Variants in RAB37 observed in about 807,000 individuals in gnomAD.
The protein encoded by RAB37 is RAB37, member RAS oncogene family.
A neutral mutation model predicts 33.1 loss-of-function variants in RAB37; 29 were observed. That is an observed-to-expected ratio of 0.88 (90% CI 0.65 to 1.20). The LOEUF is 1.20. Among genes scored for constraint, RAB37 ranks in the 50% most tolerant of loss-of-function variants. The pLI, the probability that RAB37 is intolerant of heterozygous loss-of-function variation, is 0.00. For missense variants in RAB37, 299 were observed against 301.1 expected (o/e 0.99, Z 0.05); for synonymous variants, 128 against 119.5 (o/e 1.07, Z -0.47).
intron 1 of RAB37, among the ~76,000 whole-genome samples, chr17:74,706,428 C>T (rs951197948): frequency 6.8e-6 from 1 of 147,662 alleles, no homozygotes; most frequent in Non-Finnish European, 1.5e-5. Context: ...ATAAAAAGAA[C>T]ATATATATAT....
chr17:74,736,848 C>G (rs910020456), upstream of RAB37: 4 of 1,526,384 alleles, frequency 2.6e-6, no homozygotes, highest in African/African-American at 5.5e-5. Context: ...TCCCCAGCTC[C>G]CCGCCTCGCC....
At chr17:74,695,082 G>A (rs770092761) in intron 1 of RAB37, 3 of 1,609,782 alleles carry the variant, frequency 1.9e-6, no homozygotes, top group East Asian at 2.2e-5. Flanking sequence ...CCAAGAAGGA[G>A]CCTGGAGTGC....
intron 1 of RAB37, among the ~76,000 whole-genome samples, chr17:74,714,688 T>C (rs2034139253): frequency 6.6e-6 from 1 of 152,058 alleles, no homozygotes; most frequent in Non-Finnish European, 1.5e-5. Context: ...CTTATAACTA[T>C]TTGTTGAAGG....
intron 1 of RAB37, among the ~76,000 whole-genome samples, chr17:74,721,481 G>A (rs1264129191): frequency 6.8e-6 from 1 of 147,538 alleles, no homozygotes; most frequent in African/African-American, 2.5e-5. Context: ...CACCCAGGCT[G>A]TAGTGTAATG....
chr17:74,695,003 G>T, intron 1 of RAB37: 2 of 1,379,144 alleles, frequency 1.5e-6, no homozygotes, highest in Non-Finnish European at 2.0e-6. Flanking sequence ...CCAGTCCCCG[G>T]GTTGGTCCTG....
In RAB37 at chr17:74,729,081, T is replaced by G. The variant is rs374863471; in HGVS notation, c.73-175T>G. On this transcript the variant is annotated intron_variant, in intron 1 of 7. Transcript: ENST00000340415. The surrounding 1 kb of genome is among the most constrained non-coding windows in gnomAD (Gnocchi z 4.2). ...GGTGTTCTGTGTATGTGTGTACATG[T>G]TTTTCTATGTCTGTATGTGTGTGTC... 3.9e-5 allele frequency among the ~76,000 whole-genome samples: 6 copies of G among 152,048 alleles called. No homozygotes were observed. Among genetic ancestry groups the G allele is most frequent in the African/African-American group, 1.2e-4 (5 of 41,356 alleles).
At chr17:74,727,354 G>A (rs541961199) in intron 1 of RAB37, among the ~76,000 whole-genome samples, 1 of 152,372 alleles carries the variant, frequency 6.6e-6, no homozygotes, top group East Asian at 1.9e-4. Flanking sequence ...TAGAGTAGGT[G>A]CCAGGGAGGC....
chr17:74,714,569 G>T (rs2034136636), intron 1 of RAB37, among the ~76,000 whole-genome samples: 1 of 152,032 alleles, frequency 6.6e-6, no homozygotes, highest in African/African-American at 2.4e-5. Flanking sequence ...GAGATCCCAG[G>T]GATACCTACA....
At chr17:74,697,303 T>C (rs2032585568) in intron 1 of RAB37, among the ~76,000 whole-genome samples, 1 of 152,088 alleles carries the variant, frequency 6.6e-6, no homozygotes, top group African/African-American at 2.4e-5. Context: ...GTCCCTGTCT[T>C]CTTTCTCCCC....
rs897599230 is a variant in RAB37, at chr17:74,742,868, G to A, written c.247-261G>A. 7.2e-5 allele frequency among the ~76,000 whole-genome samples: 11 copies of A among 152,078 alleles called. No homozygotes were observed. Among genetic ancestry groups the A allele is most frequent in the East Asian group, 5.8e-4 (3 of 5,188 alleles). On this transcript the variant is annotated intron_variant, in intron 3 of 8. Coordinates refer to ENST00000392613, the MANE Select transcript of RAB37 (RefSeq NM_001006638.3). This position sits in a 1 kb window ranked among gnomAD's most constrained non-coding sequence, Gnocchi z 4.0. Reference sequence around the variant, plus strand: ...TCTGGATCTCCTGACCTCGTGATCCGCCTGCCTCGGCCTCCCAAAGTGCTG... The same window carrying A: ...TCTGGATCTCCTGACCTCGTGATCCACCTGCCTCGGCCTCCCAAAGTGCTG...
upstream of RAB37, chr17:74,736,959 C>A: frequency 6.5e-7 from 1 of 1,537,794 alleles, no homozygotes; most frequent in Non-Finnish European, 8.8e-7. Flanking sequence ...CCCCGCGGCC[C>A]GCTCCCCCAG....
At chr17:74,714,396 AACACACACACACACACAC>A (rs3046673) in intron 1 of RAB37, among the ~76,000 whole-genome samples, 3 of 137,872 alleles carry the variant, frequency 2.2e-5, no homozygotes, top group Non-Finnish European at 3.2e-5. Context: ...TGTCTCTTTA[AACACACACACACACACAC>A]ACACACACAC....
intron 1 of RAB37, among the ~76,000 whole-genome samples, chr17:74,684,554 G>A (rs748902830): frequency 1.3e-5 from 2 of 152,052 alleles, no homozygotes; most frequent in Non-Finnish European, 2.9e-5. Flanking sequence ...TTCGGAGGCC[G>A]AGGTAGCTGG....
chr17:74,713,141 C>T (rs1015767345), intron 1 of RAB37, among the ~76,000 whole-genome samples: 19 of 151,872 alleles, frequency 1.3e-4, no homozygotes, highest in African/African-American at 4.6e-4. Context: ...CCCGTCTCTA[C>T]TAGAAATACA....
At chr17:74,695,962 G>T in intron 1 of RAB37, 1 of 1,395,744 alleles carries the variant, frequency 7.2e-7, no homozygotes, top group Non-Finnish European at 9.8e-7. Flanking sequence ...TTCCCCAGGT[G>T]CCCCTCTCCC....
chr17:74,736,001 T>C (rs542889578), upstream of RAB37, among the ~76,000 whole-genome samples: 4 of 152,260 alleles, frequency 2.6e-5, no homozygotes, highest in South Asian at 4.1e-4. Context: ...AGGTCAGGAA[T>C]TTGAGACCAG....
intron 5 of RAB37, among the ~76,000 whole-genome samples, 196 bp downstream of exon 5, chr17:74,743,536 G>A (rs2144085963): frequency 6.6e-6 from 1 of 152,326 alleles, no homozygotes; most frequent in South Asian, 2.1e-4. Context: ...AGGCCAAGCA[G>A]GCTGTTGTGA....
At chr17:74,710,255 G>A (rs1490580856) in intron 1 of RAB37, among the ~76,000 whole-genome samples, 2 of 152,106 alleles carry the variant, frequency 1.3e-5, no homozygotes, top group Non-Finnish European at 2.9e-5. Context: ...GATTACAGGC[G>A]TGAGCCACTG....
intron 2 of RAB37, among the ~76,000 whole-genome samples, chr17:74,741,673 C>G (rs2034621748): frequency 6.6e-6 from 1 of 151,818 alleles, no homozygotes; most frequent in Non-Finnish European, 1.5e-5. Context: ...ACGACTCCAT[C>G]TTACAAATCT....
Sources: gnomAD v4.1 joint callset for allele counts (sites outside exome capture counted in the v4.1 genomes callset) on GRCh38, gnomAD v4.1.1 for gene constraint, Gnocchi (gnomAD v3.1) non-coding constraint, MANE v1.5 for transcripts, NCBI Gene and HGNC (gene_info 2026-07-23, HGNC 2026-07-21) for gene names.